LHX9: variants seen among roughly 807,000 people sequenced by gnomAD.
LHX9 encodes the protein LIM/homeobox protein Lhx9.
LHX9 carries 9 observed loss-of-function variants against 36.5 expected under a neutral mutation model. That is an observed-to-expected ratio of 0.25 (90% confidence interval 0.15 to 0.43). The LOEUF (loss-of-function observed/expected upper bound fraction) is 0.43, where lower values mean the gene tolerates loss of function less well. LHX9 is among the 20% of genes least tolerant of loss of function. The probability of loss-of-function intolerance (pLI) is 1.00; values close to 1 mark genes in which losing one functional copy is unlikely to be tolerated. For missense variants in LHX9, 464 were observed against 526.4 expected (o/e 0.88, Z 1.16); for synonymous variants, 211 against 212.1 (o/e 0.99, Z 0.04).
At chr1:197,916,318 C>T (rs1447359593), upstream of LHX9, 3 of 247,644 alleles carry the variant, frequency 1.2e-5, no homozygotes, top group Non-Finnish European at 2.3e-5. Context: ...TCAGTTCTCA[C>T]CTTCCCCTCC....
rs1378404370 is a variant in LHX9 at position 197,930,437 on chromosome 1, T to A, written c.*1178T>A. On this transcript the variant is annotated 3_prime_UTR_variant, in exon 5 of 5. Transcript: ENST00000367387. The stretch of plus-strand genomic sequence containing the variant: ...TTTTCTTTTAATTTAAGCTAAAATC[T>A]TAATGGTCTGGGCAGTGGTGAATGT... 2 of 152,064 alleles carry A rather than the reference T, an allele frequency of 1.3e-5. No homozygotes were observed. The highest frequency in any genetic ancestry group is 2.9e-5 in the Non-Finnish European group (2 of 67,920). 9.4% of individuals were successfully genotyped at this position (152,064 alleles called of 1,614,324 possible).
upstream of LHX9, chr1:197,912,645 G>C (rs780014770): frequency 7.3e-7 from 1 of 1,367,864 alleles, no homozygotes; most frequent in Non-Finnish European, 1.0e-6. Flanking sequence ...GTGTGTGTGC[G>C]CCTTCGTTGG....
At chr1:197,913,582 T>C (rs529958449), upstream of LHX9, among the ~76,000 whole-genome samples, 1 of 152,268 alleles carries the variant, frequency 6.6e-6, no homozygotes, top group South Asian at 2.1e-4. Flanking sequence ...GGCAATCCGC[T>C]CACCTTCCAT....
upstream of LHX9, among the ~76,000 whole-genome samples, chr1:197,914,366 G>C (rs1659691606): frequency 1.3e-5 from 2 of 151,424 alleles, no homozygotes; most frequent in African/African-American, 2.4e-5. Flanking sequence ...GAACACTTGC[G>C]GGCCATTCAG....
rs1225243416 is a variant in LHX9 at position 197,917,789 on chromosome 1, C to A, written c.-35C>A. On this transcript the variant is annotated 5_prime_UTR_variant, in exon 1 of 5. Coordinates refer to ENST00000367387, the MANE Select transcript of LHX9 (RefSeq NM_020204.3). The stretch of plus-strand genomic sequence containing the variant: ...GCCCTCTCTGGTCCCTTGCCTCCTT[C>A]ACTCGGATGAGCTGAAAGCCCCGGG... The A allele has an allele frequency of 6.2e-7, 1 of 1,614,032 alleles. No homozygotes were observed. The highest frequency in any genetic ancestry group is 2.2e-5 in the East Asian group (1 of 44,880).
chr1:197,915,013 G>T (rs1461168496), upstream of LHX9, among the ~76,000 whole-genome samples: 2 of 152,166 alleles, frequency 1.3e-5, no homozygotes, highest in Non-Finnish European at 2.9e-5. Context: ...ACGCTGTAAA[G>T]TTCTGGCTTT....
chr1:197,918,953 A>C (rs1659878912), intron 1 of LHX9, among the ~76,000 whole-genome samples: 1 of 152,130 alleles, frequency 6.6e-6, no homozygotes, highest in African/African-American at 2.4e-5. Context: ...AAGTAGCCCA[A>C]CTGGTGAACG....
At position 197,917,632 on chromosome 1, in the gene LHX9, C is replaced by G. The variant is rs930426644; in HGVS notation, c.-192C>G. 7.3e-6 allele frequency: 11 copies of G among 1,509,654 alleles called. No homozygotes were observed. Among genetic ancestry groups the G allele is most frequent in the South Asian group, 5.1e-5 (4 of 78,148 alleles). The allele number at this position is 1,509,654 out of a possible 1,614,324, so 93.5% of individuals were successfully genotyped here. A position where few individuals can be genotyped will look rare whatever the true frequency, so the allele number is the denominator to read the frequency against. ...TTCAGGGAGCCGCTGAGGCTTCCCC[C>G]CAACTCTTCCCAGTTCTTTTTGCTT... is the stretch of plus-strand genomic sequence containing the variant. On this transcript the variant is annotated 5_prime_UTR_variant, in exon 1 of 5. Coordinates refer to ENST00000367387, the MANE Select transcript of LHX9 (RefSeq NM_020204.3).
At chr1:197,918,264 G>A in intron 1 of LHX9, 1 of 716,778 alleles carries the variant, frequency 1.4e-6, no homozygotes, top group Admixed American at 2.0e-5. Context: ...TGGGATGGGG[G>A]GTGGTGGCAT....
chr1:197,926,479 T>G (rs538311610), intron 3 of LHX9, among the ~76,000 whole-genome samples: 5 of 152,378 alleles, frequency 3.3e-5, no homozygotes, highest in African/African-American at 1.2e-4. Context: ...CACAAAATGT[T>G]TTCATTTTAC....
Position 197,933,725 on chromosome 1 carries a change from G to T in LHX9, c.*4466G>T, listed in dbSNP as rs1262596716. 7.5e-6 allele frequency: 1 copy of T among 133,910 alleles called. No homozygotes were observed. Among genetic ancestry groups the T allele is most frequent in the East Asian group, 2.2e-4 (1 of 4,620 alleles). The allele number at this position is 133,910 out of a possible 1,614,324, so 8.3% of individuals were successfully genotyped here. ...AAAAAAAAATACAAATTTGAAACAG[G>T]CACATTTTTTAAAACCAAAAAAAAA... is the stretch of plus-strand genomic sequence containing the variant. On this transcript the variant is annotated 3_prime_UTR_variant, in exon 5 of 5. Coordinates refer to ENST00000367387, the MANE Select transcript of LHX9 (RefSeq NM_020204.3).
chr1:197,914,440 C>G (rs1344690914), upstream of LHX9, among the ~76,000 whole-genome samples: 1 of 151,856 alleles, frequency 6.6e-6, no homozygotes, highest in Non-Finnish European at 1.5e-5. Flanking sequence ...CTCAGCCCCT[C>G]TGCTGGAGAG....
chr1:197,914,490 A>G (rs1659695207), upstream of LHX9, among the ~76,000 whole-genome samples: 1 of 151,822 alleles, frequency 6.6e-6, no homozygotes, highest in Non-Finnish European at 1.5e-5. Flanking sequence ...TTCCTTATTT[A>G]AAGTGCTTAT....
chr1:197,916,540 T>C, upstream of LHX9: 1 of 623,646 alleles, frequency 1.6e-6, no homozygotes, highest in Non-Finnish European at 2.9e-6. Context: ...CAACCTTCCT[T>C]CAAACCTGAA....
chr1:197,928,850 C>T (rs958637729), intron 4 of LHX9, 152 bp from the exon 5 acceptor site: 6 of 930,660 alleles, frequency 6.4e-6, no homozygotes, highest in Non-Finnish European at 8.8e-6. Context: ...CCCTTTCCTC[C>T]TAAGAAAGAC....
Position 197,927,872 on chromosome 1 carries a change from G to A in LHX9, c.936+79G>A, listed in dbSNP as rs6428423. The A allele has an allele frequency of 3.2e-6, 4 of 1,254,300 alleles. No individual in the cohort carries two copies. The South Asian group carries it at 3.8e-5, about 12-fold the overall frequency. The allele number at this position is 1,254,300 out of a possible 1,614,324, so 77.7% of individuals were successfully genotyped here. ...AAAATAGTGCTCTTCCCTGGTTAGAGTGACGCAGATATTTCCTATATTGCT... is the reference window on the plus strand; with the variant it reads ...AAAATAGTGCTCTTCCCTGGTTAGAATGACGCAGATATTTCCTATATTGCT... On this transcript the variant is annotated intron_variant, in intron 4 of 4. Transcript: ENST00000367387.
Position 197,918,806 on chromosome 1 carries a change from G to GA in LHX9, c.174+809_174+810insA, listed in dbSNP as rs369062078. 2.6e-4 allele frequency: 24 copies of GA among 91,538 alleles called. 5 individuals are homozygous for GA. Among genetic ancestry groups the GA allele is most frequent in the Non-Finnish European group, 4.2e-4 (17 of 40,306 alleles). The allele number at this position is 91,538 out of a possible 1,614,324, so 5.7% of individuals were successfully genotyped here. A position where few individuals can be genotyped will look rare whatever the true frequency, so the allele number is the denominator to read the frequency against. On this transcript the variant is annotated intron_variant, in intron 1 of 4. Coordinates refer to ENST00000367387, the MANE Select transcript of LHX9 (RefSeq NM_020204.3). Reference sequence around the variant, plus strand: ...TTTCCAGATTACTAACGGGGGGGGGGGGGGACTACAGAAGTCTCCGGAAAT... The same window carrying GA: ...TTTCCAGATTACTAACGGGGGGGGGGAGGGGACTACAGAAGTCTCCGGAAAT...
Position 197,929,244 on chromosome 1 carries a change from A to G in LHX9, c.1179A>G (p.Leu393=). ...HESGSPSQTT[L]TNLF Reference sequence around the variant, plus strand: ...CCGGAAGCCCCTCACAAACTACCTTAACAAACCTTTTCTAACATTGGTTTT... The same window carrying G: ...CCGGAAGCCCCTCACAAACTACCTTGACAAACCTTTTCTAACATTGGTTTT... The change falls in exon 5 of 5, where the codon TTA becomes TTG. Residue 393 remains leucine (L), a synonymous_variant. Transcript: ENST00000367387. The G allele has an allele frequency of 2.1e-6, 3 of 1,432,938 alleles. No homozygotes were observed. Among genetic ancestry groups the G allele is most frequent in the Non-Finnish European group, 2.8e-6 (3 of 1,088,180 alleles). The allele number at this position is 1,432,938 out of a possible 1,614,324, so 88.8% of individuals were successfully genotyped here. A position where few individuals can be genotyped will look rare whatever the true frequency, so the allele number is the denominator to read the frequency against.
Position 197,931,825 on chromosome 1 carries a change from A to T in LHX9, c.*2566A>T. 1 of 834,002 alleles carries T rather than the reference A, an allele frequency of 1.2e-6. No homozygotes were observed. Among genetic ancestry groups the T allele is most frequent in the South Asian group, 1.6e-5 (1 of 61,866 alleles). The allele number at this position is 834,002 out of a possible 1,614,324, so 51.7% of individuals were successfully genotyped here. ...AGATTTCATGTTAGGTCTATTGAGC[A>T]CAAATGGATATTTGTAAATCTAAAT... is the stretch of plus-strand genomic sequence containing the variant. On this transcript the variant is annotated 3_prime_UTR_variant, in exon 5 of 5. Transcript: ENST00000367387.
Sources: gnomAD v4.1 joint callset for allele counts (sites outside exome capture counted in the v4.1 genomes callset) on GRCh38, gnomAD v4.1.1 for gene constraint, MANE v1.5 for transcripts, NCBI Gene and HGNC (gene_info 2026-07-23, HGNC 2026-07-21) for gene names.